The following BAZ2B variants were observed in gnomAD, a reference collection of about 807,000 sequenced individuals.
BAZ2B encodes bromodomain adjacent to zinc finger domain 2B, also known as bromodomain adjacent to zinc finger domain protein 2B.
Under a neutral mutation model 246.0 loss-of-function variants are expected in BAZ2B, and 91 were observed. That is an observed-to-expected ratio of 0.37 (90% CI 0.31 to 0.44). BAZ2B has a LOEUF of 0.44. BAZ2B is among the 20% of genes least tolerant of loss of function. The pLI, the probability that BAZ2B is intolerant of heterozygous loss-of-function variation, is 1.00. For synonymous variants in BAZ2B, 855 were observed against 860.0 expected (o/e 0.99, Z 0.10); for missense variants, 2,332 against 2,533.7 (o/e 0.92, Z 1.71).
the BAZ2B span, among the ~76,000 whole-genome samples, chr2:159,708,911 A>G: frequency 6.6e-6 from 1 of 152,144 alleles, no homozygotes; most frequent in East Asian, 1.9e-4. Flanking sequence ...TTTTGATGCT[A>G]ATCCAGTAGA....
intron 24 of BAZ2B, 83 bp from the exon 25 acceptor site, chr2:159,382,885 A>G (rs2062162168): frequency 6.7e-7 from 1 of 1,497,470 alleles, no homozygotes; most frequent in Admixed American, 2.1e-5. Flanking sequence ...AGTTGTATGC[A>G]AAAATACCTT....
the BAZ2B span, among the ~76,000 whole-genome samples, chr2:159,708,449 C>T: frequency 6.6e-6 from 1 of 152,124 alleles, no homozygotes; most frequent in Non-Finnish European, 1.5e-5. Flanking sequence ...AATGATCTTT[C>T]TAGAAGCAGT....
At chr2:159,685,012 T>A in the BAZ2B span, among the ~76,000 whole-genome samples, 1 of 152,096 alleles carries the variant, frequency 6.6e-6, no homozygotes, top group African/African-American at 2.4e-5. Context: ...CATAAAAGAG[T>A]CATGGTAATG....
At chr2:159,592,661 C>A (rs1689670299) in intron 1 of BAZ2B, among the ~76,000 whole-genome samples, 1 of 152,122 alleles carries the variant, frequency 6.6e-6, no homozygotes, top group South Asian at 2.1e-4. Context: ...CTAAGTCCTC[C>A]CACCAACAGA....
intron 2 of BAZ2B, among the ~76,000 whole-genome samples, chr2:159,507,666 T>C (rs1307006434): frequency 6.6e-6 from 1 of 152,148 alleles, no homozygotes; most frequent in Non-Finnish European, 1.5e-5. Flanking sequence ...ATAATCTTCC[T>C]ACCATGAGAA....
At chr2:159,389,279 A>G in intron 21 of BAZ2B, 66 bp downstream of exon 21, 3 of 1,424,910 alleles carry the variant, frequency 2.1e-6, no homozygotes, top group Non-Finnish European at 2.8e-6. Context: ...CTGGCAAAGA[A>G]ATCAGGTAAG....
chr2:159,354,270 T>C (rs2058848772), intron 27 of BAZ2B, among the ~76,000 whole-genome samples: 1 of 152,194 alleles, frequency 6.6e-6, no homozygotes, highest in South Asian at 2.1e-4. Flanking sequence ...ATTGAGCTGA[T>C]GGTAATTTCA....
intron 27 of BAZ2B, among the ~76,000 whole-genome samples, chr2:159,362,353 T>A (rs2059803681): frequency 6.6e-6 from 1 of 152,116 alleles, no homozygotes; most frequent in Non-Finnish European, 1.5e-5. Flanking sequence ...AAAGGTCCCT[T>A]GATAATGTTT....
At chr2:159,677,362 A>G in the BAZ2B span, among the ~76,000 whole-genome samples, 1 of 152,144 alleles carries the variant, frequency 6.6e-6, no homozygotes, top group African/African-American at 2.4e-5. Flanking sequence ...TGTTTTAAAG[A>G]AATTCTTAAT....
chr2:159,670,236 G>T, the BAZ2B span, among the ~76,000 whole-genome samples: 2 of 152,164 alleles, frequency 1.3e-5, no homozygotes, highest in African/African-American at 4.8e-5. Flanking sequence ...CTTCCCAAGT[G>T]CTGGAATTAC....
chr2:159,565,599 A>T (rs1024811034), intron 1 of BAZ2B, among the ~76,000 whole-genome samples: 1 of 152,164 alleles, frequency 6.6e-6, no homozygotes, highest in African/African-American at 2.4e-5. Context: ...TAATATGGTG[A>T]AACCCTGTCT....
At chr2:159,497,130 A>C (rs1035379268) in intron 2 of BAZ2B, among the ~76,000 whole-genome samples, 1 of 152,086 alleles carries the variant, frequency 6.6e-6, no homozygotes, top group Non-Finnish European at 1.5e-5. Flanking sequence ...AATTACTATA[A>C]TTTTTTTATT....
intron 20 of BAZ2B, among the ~76,000 whole-genome samples, chr2:159,393,486 T>C (rs1164514017): frequency 6.6e-6 from 1 of 152,246 alleles, no homozygotes; most frequent in Non-Finnish European, 1.5e-5. Flanking sequence ...GCTTAATATG[T>C]CCAGCCCTAT....
At chr2:159,437,640 GATGT>G (rs1199300961) in intron 8 of BAZ2B, 2 of 152,312 alleles carry the variant, frequency 1.3e-5, no homozygotes, top group Admixed American at 1.3e-4. Context: ...TATTTGGCCG[GATGT>G]AGTGGCTCAT....
At chr2:159,536,920 A>C (rs1017932268) in intron 2 of BAZ2B, among the ~76,000 whole-genome samples, 4 of 152,232 alleles carry the variant, frequency 2.6e-5, no homozygotes, top group Non-Finnish European at 5.9e-5. Context: ...GGTACAGCAA[A>C]ATTTAATCTA....
intron 31 of BAZ2B, among the ~76,000 whole-genome samples, chr2:159,340,069 T>C (rs1047751096): frequency 2.0e-5 from 3 of 151,864 alleles, no homozygotes; most frequent in Non-Finnish European, 2.9e-5. Context: ...GAGACAGATA[T>C]AAAAAAGAAC....
chr2:159,557,460 T>C (rs1316249078), intron 1 of BAZ2B, among the ~76,000 whole-genome samples: 1 of 152,188 alleles, frequency 6.6e-6, no homozygotes, highest in Non-Finnish European at 1.5e-5. Context: ...GCTTCTACCA[T>C]GTTCCAGTCA....
Position 159,385,150 on chromosome 2 carries a change from C to T in BAZ2B, c.3686+5G>A. On this transcript the variant is annotated splice_donor_5th_base_variant and intron_variant, in intron 23 of 36. Coordinates refer to ENST00000392783, the MANE Select transcript of BAZ2B (RefSeq NM_013450.4). ...AATCACGGAAAAGCCTGGGCATATGCTCACCTGACCACACTCTTGCTGCAT... is the reference window on the plus strand; with the variant it reads ...AATCACGGAAAAGCCTGGGCATATGTTCACCTGACCACACTCTTGCTGCAT... The T allele has an allele frequency of 6.2e-7, 1 of 1,607,476 alleles. No homozygotes were observed. Among genetic ancestry groups the T allele is most frequent in the Non-Finnish European group, 8.5e-7 (1 of 1,174,536 alleles).
At chr2:159,610,645 T>C (rs1694522378) in intron 1 of BAZ2B, among the ~76,000 whole-genome samples, 1 of 151,338 alleles carries the variant, frequency 6.6e-6, no homozygotes, top group Non-Finnish European at 1.5e-5. Context: ...TTATCTATGT[T>C]GCCATCATTA....
Sources: allele counts gnomAD v4.1 joint callset (sites outside exome capture counted in the v4.1 genomes callset), GRCh38; gene constraint gnomAD v4.1.1; transcripts MANE v1.5; gene names NCBI Gene and HGNC (gene_info 2026-07-23, HGNC 2026-07-21).